The following PARD3 variants were observed in gnomAD, a reference collection of about 807,000 sequenced individuals.
PARD3 encodes the protein par-3 family cell polarity regulator, also known as partitioning defective 3 homolog.
Under a neutral mutation model 155.4 loss-of-function variants are expected in PARD3, and 75 were observed. That is an observed-to-expected ratio of 0.48 (90% CI 0.40 to 0.58). The LOEUF is 0.58. Ranked by LOEUF, PARD3 falls within the 20% of genes least tolerant of loss-of-function variation. The pLI is 0.00. For synonymous variants in PARD3, 576 were observed against 610.5 expected (o/e 0.94, Z 0.83); for missense variants, 1,642 against 1,721.7 (o/e 0.95, Z 0.82).
At chr10:34,745,198 C>CA (rs1449630571) in intron 1 of PARD3, among the ~76,000 whole-genome samples, 3 of 152,002 alleles carry the variant, frequency 2.0e-5, no homozygotes, top group African/African-American at 4.8e-5. Flanking sequence ...CTCGTTTCTA[C>CA]AAAAAATGTT....
At chr10:34,788,902 C>G (rs1402316966) in intron 1 of PARD3, among the ~76,000 whole-genome samples, 1 of 152,210 alleles carries the variant, frequency 6.6e-6, no homozygotes, top group Non-Finnish European at 1.5e-5. Context: ...CAGGTATACA[C>G]TGGCACACCC....
chr10:34,303,619 G>C (rs1430576990), intron 20 of PARD3, among the ~76,000 whole-genome samples: 1 of 148,438 alleles, frequency 6.7e-6, no homozygotes, highest in Non-Finnish European at 1.5e-5. Context: ...AATTCGATAA[G>C]ATGTTTTTTT....
intron 9 of PARD3, among the ~76,000 whole-genome samples, chr10:34,378,495 C>T (rs1164652730): frequency 2.0e-5 from 3 of 152,100 alleles, no homozygotes; most frequent in Non-Finnish European, 2.9e-5. Context: ...GCAATAATGA[C>T]ATCCAAATTT....
chr10:34,766,513 G>A (rs12412895), intron 1 of PARD3, among the ~76,000 whole-genome samples: 3 of 150,966 alleles, frequency 2.0e-5, no homozygotes, highest in Non-Finnish European at 4.4e-5. Context: ...AAACTCCTGA[G>A]GCAAAAGTTA....
chr10:34,552,636 C>T (rs17601314), intron 2 of PARD3, among the ~76,000 whole-genome samples: 1 of 151,990 alleles, frequency 6.6e-6, no homozygotes, highest in African/African-American at 2.4e-5. Context: ...ATTGGTTGAA[C>T]CCAGGAAGCG....
At chr10:34,658,640 G>A in intron 2 of PARD3, among the ~76,000 whole-genome samples, 1 of 152,090 alleles carries the variant, frequency 6.6e-6, no homozygotes, top group African/African-American at 2.4e-5. Flanking sequence ...AAACGAGAAG[G>A]AACTGCCAAT....
At chr10:34,633,780 T>C (rs2092367660) in intron 2 of PARD3, among the ~76,000 whole-genome samples, 1 of 152,224 alleles carries the variant, frequency 6.6e-6, no homozygotes, top group African/African-American at 2.4e-5. Flanking sequence ...TCTGTATTAA[T>C]TTACATTCCC....
intron 2 of PARD3, among the ~76,000 whole-genome samples, chr10:34,551,659 G>A (rs2084578026): frequency 6.6e-6 from 1 of 152,200 alleles, no homozygotes; most frequent in African/African-American, 2.4e-5. Context: ...AGAGGCAGAA[G>A]GTTTCCCCAG....
chr10:34,607,791 T>C (rs1390990811), intron 2 of PARD3, among the ~76,000 whole-genome samples: 1 of 152,200 alleles, frequency 6.6e-6, no homozygotes, highest in Non-Finnish European at 1.5e-5. Flanking sequence ...TGTTGTCTCA[T>C]ATTAGAATTA....
chr10:34,243,733 C>G (rs562427967), intron 22 of PARD3, among the ~76,000 whole-genome samples: 1 of 152,046 alleles, frequency 6.6e-6, no homozygotes, highest in African/African-American at 2.4e-5. Context: ...TTGCTTGAAC[C>G]CAGGAGGCGG....
At chr10:34,373,502 G>T (rs960187377) in intron 11 of PARD3, among the ~76,000 whole-genome samples, 2 of 151,238 alleles carry the variant, frequency 1.3e-5, no homozygotes, top group Non-Finnish European at 2.9e-5. Flanking sequence ...TTAAAGCTTC[G>T]GCAAATCACA....
chr10:34,617,815 A>G (rs2091361320), intron 2 of PARD3, among the ~76,000 whole-genome samples: 1 of 152,220 alleles, frequency 6.6e-6, no homozygotes, highest in Non-Finnish European at 1.5e-5. Context: ...CAAGGAATAA[A>G]GGGCTACACT....
chr10:34,577,298 T>C (rs567494545), intron 2 of PARD3, among the ~76,000 whole-genome samples: 79 of 152,348 alleles, frequency 5.2e-4, no homozygotes, highest in Admixed American at 1.1e-3. Context: ...TAGCAAATGA[T>C]GCATGTGTGT....
At chr10:34,367,979 G>A (rs887036169) in intron 12 of PARD3, among the ~76,000 whole-genome samples, 5 of 152,282 alleles carry the variant, frequency 3.3e-5, no homozygotes, top group Non-Finnish European at 5.9e-5. Flanking sequence ...GTGGCTGGGC[G>A]CAGTGGCTCA....
intron 2 of PARD3, among the ~76,000 whole-genome samples, chr10:34,689,323 A>G (rs375937461): frequency 3.3e-5 from 5 of 152,376 alleles, no homozygotes; most frequent in African/African-American, 1.2e-4. Flanking sequence ...TAATGCGTCC[A>G]GCCATGACTG....
chr10:34,141,520 T>C (rs1948187231), intron 22 of PARD3, among the ~76,000 whole-genome samples: 2 of 152,188 alleles, frequency 1.3e-5, no homozygotes, highest in African/African-American at 4.8e-5. Flanking sequence ...CCAGATGCTT[T>C]ATGGATCACA....
chr10:34,681,768 ATTTTTTTTTTTTTT>A (rs56661701), intron 2 of PARD3, among the ~76,000 whole-genome samples: 2 of 17,402 alleles, frequency 1.1e-4, no homozygotes, highest in East Asian at 2.5e-3. Context: ...ATATATATAT[ATTTTTTTTTTTTTT>A]TTTTTTTTTT....
chr10:34,282,479 G>A (rs1041399968), intron 21 of PARD3, among the ~76,000 whole-genome samples: 13 of 152,112 alleles, frequency 8.5e-5, no homozygotes, highest in Admixed American at 3.3e-4. Flanking sequence ...TTGTTTGGCT[G>A]GAAATATTTG....
chr10:34,207,214 T>C (rs943156743), intron 22 of PARD3, among the ~76,000 whole-genome samples: 1 of 152,108 alleles, frequency 6.6e-6, no homozygotes, highest in African/African-American at 2.4e-5. Context: ...TCATGATGAG[T>C]TAAAATTCAG....
Sources: gnomAD v4.1 joint callset for allele counts (sites outside exome capture counted in the v4.1 genomes callset) on GRCh38, gnomAD v4.1.1 for gene constraint, MANE v1.5 for transcripts, NCBI Gene and HGNC (gene_info 2026-07-23, HGNC 2026-07-21) for gene names.